Variants in ABCB5 observed in about 807,000 individuals in gnomAD.
ABCB5 encodes ATP-binding cassette sub-family B member 5.
In ABCB5, 155 loss-of-function variants were observed where a neutral mutation model predicts 144.2. The ratio of observed to expected loss-of-function variants is 1.08; its 90% confidence interval spans 0.94 to 1.23. The LOEUF (loss-of-function observed/expected upper bound fraction) is 1.23. Ranked by LOEUF, ABCB5 falls within the 50% of genes most tolerant of loss-of-function variation. The pLI is 0.00. For synonymous variants in ABCB5, 610 were observed against 528.6 expected (o/e 1.15, Z -2.11); for missense variants, 1,830 against 1,520.8 (o/e 1.20, Z -3.38).
At chr7:20,743,131 T>G in intron 25 of ABCB5, 57 bp downstream of exon 25, 6 of 1,563,982 alleles carry the variant, frequency 3.8e-6, no homozygotes, top group Non-Finnish European at 4.4e-6. Context: ...TTCTTAAACA[T>G]TCACTAGGGC....
At position 20,623,254 on chromosome 7, in the gene ABCB5, T is replaced by C. The variant is rs1278698765; in HGVS notation, c.-21-11T>C. 1 of 1,419,614 alleles carries C rather than the reference T, an allele frequency of 7.0e-7. No homozygotes were observed. The highest frequency in any genetic ancestry group is 9.7e-7 in the Non-Finnish European group (1 of 1,027,676). The allele number at this position is 1,419,614 out of a possible 1,614,324, so 87.9% of individuals were successfully genotyped here. The stretch of plus-strand genomic sequence containing the variant: ...CATAGCCATAATACATTTGTTAAAA[T>C]TGTATTTCAGAAGAAGTAAATTGTA... On this transcript the variant is annotated splice_polypyrimidine_tract_variant and intron_variant, in intron 1 of 27. Coordinates refer to ENST00000404938, the MANE Select transcript of ABCB5 (RefSeq NM_001163941.2).
chr7:20,681,477 T>C (rs1286651665), intron 14 of ABCB5, 28 bp from the exon 15 acceptor site: 4 of 1,611,522 alleles, frequency 2.5e-6, no homozygotes, highest in Non-Finnish European at 3.4e-6. Context: ...CTAATGTCTA[T>C]TTATTTTCTA....
At position 20,755,495 on chromosome 7, in the gene ABCB5, T is replaced by G. The variant is rs1159197165; in HGVS notation, c.3645T>G (p.Ser1215=). Residue 1215 remains serine, a synonymous_variant, in exon 28 of 28, where the codon TCT becomes TCG. Coordinates refer to ENST00000404938, the MANE Select transcript of ABCB5 (RefSeq NM_001163941.2). The stretch of plus-strand genomic sequence containing the variant: ...GCCTAGTGGTCACTCACAGGCTCTC[T>G]GCAATTCAGAACGCAGATTTGATAG... ...RTCLVVTHRL[S]AIQNADLIVV... is the part of the protein sequence containing the mutation. 6.2e-7 allele frequency: 1 copy of G among 1,614,180 alleles called. No homozygotes were observed.
At chr7:20,682,331 T>A (rs1330139408) in intron 15 of ABCB5, among the ~76,000 whole-genome samples, 1 of 152,110 alleles carries the variant, frequency 6.6e-6, no homozygotes, top group Non-Finnish European at 1.5e-5. Context: ...AGAGGCAAAT[T>A]GCAAAATTGT....
chr7:20,689,562 T>C (rs1025134444), intron 16 of ABCB5, among the ~76,000 whole-genome samples: 1 of 152,170 alleles, frequency 6.6e-6, no homozygotes, highest in African/African-American at 2.4e-5. Context: ...CTCATAGTTA[T>C]GCCTCTGTAA....
intron 4 of ABCB5, 55 bp from the exon 5 acceptor site, chr7:20,632,003 CA>C (rs1784050430): frequency 8.3e-7 from 1 of 1,199,910 alleles, no homozygotes; most frequent in Non-Finnish European, 1.2e-6. Context: ...ATCTGTGTAA[CA>C]GTGTGACCAA....
At chr7:20,711,836 C>CTTTCTTTCTT (rs1787066237) in intron 20 of ABCB5, among the ~76,000 whole-genome samples, 1 of 57,368 alleles carries the variant, frequency 1.7e-5, no homozygotes, top group Non-Finnish European at 2.8e-5. Context: ...TTCTTTCTTT[C>CTTTCTTTCTT]TTTCTTTCTT....
At chr7:20,635,553 T>C (rs1337189586) in intron 5 of ABCB5, among the ~76,000 whole-genome samples, 1 of 152,162 alleles carries the variant, frequency 6.6e-6, no homozygotes, top group Admixed American at 6.6e-5. Flanking sequence ...TGGAATGTTT[T>C]CCCATTTGTT....
rs894355701 is a variant in ABCB5 at position 20,666,501 on chromosome 7, T to C, written c.1707+7825T>C. On this transcript the variant is annotated intron_variant, in intron 14 of 27. Transcript: ENST00000404938. The stretch of plus-strand genomic sequence containing the variant: ...AATCTAGCTGATCTCCTCAGGTCCG[T>C]ATCTCTGCCTAGCAATTCTGGGAGG... Among the ~76,000 whole-genome samples, 3 of 152,220 alleles carry C rather than the reference T, an allele frequency of 2.0e-5. No individual in the cohort carries two copies. In the South Asian group the frequency reaches 6.2e-4, roughly 32 times the overall value.
At chr7:20,673,531 T>G (rs1255721660) in intron 14 of ABCB5, among the ~76,000 whole-genome samples, 1 of 152,102 alleles carries the variant, frequency 6.6e-6, no homozygotes, top group Non-Finnish European at 1.5e-5. Context: ...TTACTTTGGT[T>G]ATATCCTTTT....
At chr7:20,695,175 C>T (rs1436655588) in intron 16 of ABCB5, among the ~76,000 whole-genome samples, 1 of 151,880 alleles carries the variant, frequency 6.6e-6, no homozygotes, top group Non-Finnish European at 1.5e-5. Flanking sequence ...TTTCAATTAC[C>T]TATAGAACTA....
chr7:20,734,512 T>G (rs1187280840), intron 23 of ABCB5, among the ~76,000 whole-genome samples: 1 of 151,308 alleles, frequency 6.6e-6, no homozygotes, highest in African/African-American at 2.4e-5. Context: ...GCTACAAGGA[T>G]GGATTATCTG....
chr7:20,697,008 A>G (rs139725858), intron 16 of ABCB5, among the ~76,000 whole-genome samples: 16 of 152,266 alleles, frequency 1.1e-4, no homozygotes, highest in Non-Finnish European at 2.1e-4. Context: ...TCTCCTTACC[A>G]AATAAGGTAA....
intron 20 of ABCB5, among the ~76,000 whole-genome samples, chr7:20,722,770 C>T (rs1476616429): frequency 2.6e-5 from 4 of 151,692 alleles, no homozygotes; most frequent in African/African-American, 4.8e-5. Flanking sequence ...TGCAGTGAGC[C>T]GAGATTGCGC....
Position 20,643,653 on chromosome 7 carries a change from A to C in ABCB5, c.678+21A>C, listed in dbSNP as rs748174172. 2.5e-6 allele frequency: 4 copies of C among 1,611,992 alleles called. No homozygotes were observed. In the Admixed American group the frequency reaches 5.0e-5, roughly 20 times the overall value. ...CTAGGGTAAGTGAGATGGCTAATGC[A>C]ATATTGAATGGAAGCAGCAGTGTGG... On this transcript the variant is annotated intron_variant, in intron 7 of 27. Transcript: ENST00000404938.
rs1385096487 is a variant in ABCB5, at chr7:20,742,947, T to C, written c.3095T>C (p.Ile1032Thr). 9.9e-6 allele frequency: 16 copies of C among 1,614,046 alleles called. No homozygotes were observed. The highest frequency in any genetic ancestry group is 1.3e-5 in the African/African-American group (1 of 74,914). Residue 1032 changes from isoleucine to threonine, a missense_variant, in exon 25 of 28, where the codon ATC becomes ACC. Transcript: ENST00000404938. ...TATCCATGTCGCCCAGATGTTTTCA[T>C]CCTCCGTGGCTTATCCCTCAGTATT... Reference protein sequence around the residue: ...FFYPCRPDVFILRGLSLSIER... With the variant: ...FFYPCRPDVFTLRGLSLSIER...
chr7:20,645,950 G>A lies in ABCB5; in HGVS notation c.804-11G>A, dbSNP rs1784395349. 1 of 1,612,670 alleles carries A rather than the reference G, an allele frequency of 6.2e-7. No homozygotes were observed. Among genetic ancestry groups the A allele is most frequent in the East Asian group, 2.2e-5 (1 of 44,866 alleles). Reference sequence around the variant, plus strand: ...CCCAGTGGCTACTAAGTTGTGTTCTGTTTTTGTAAGGTATACACAGAATCT... The same window carrying A: ...CCCAGTGGCTACTAAGTTGTGTTCTATTTTTGTAAGGTATACACAGAATCT... On this transcript the variant is annotated splice_polypyrimidine_tract_variant and intron_variant, in intron 8 of 27. Transcript: ENST00000404938.
At chr7:20,652,702 T>C (rs758488708) in intron 13 of ABCB5, among the ~76,000 whole-genome samples, 1 of 152,262 alleles carries the variant, frequency 6.6e-6, no homozygotes, top group Non-Finnish European at 1.5e-5. Context: ...TTAGAATTAA[T>C]GGGGTGCTGT....
chr7:20,744,159 G>A (rs1457585198), intron 25 of ABCB5, among the ~76,000 whole-genome samples: 2 of 152,066 alleles, frequency 1.3e-5, no homozygotes, highest in South Asian at 2.1e-4. Flanking sequence ...CCGCCTCTAG[G>A]GTTCATGCGA....
Sources: gnomAD v4.1 joint callset for allele counts (sites outside exome capture counted in the v4.1 genomes callset) on GRCh38, gnomAD v4.1.1 for gene constraint, MANE v1.5 for transcripts, NCBI Gene and HGNC (gene_info 2026-07-23, HGNC 2026-07-21) for gene names.